ASIC2: variants seen among roughly 807,000 people sequenced by gnomAD.
ASIC2 encodes acid-sensing ion channel 2.
In ASIC2, 25 loss-of-function variants were observed where a neutral mutation model predicts 57.3. That is an observed-to-expected ratio of 0.44 (90% CI 0.32 to 0.61). ASIC2 has a LOEUF of 0.61. ASIC2 is among the 20% of genes least tolerant of loss of function. The pLI, the probability that ASIC2 is intolerant of heterozygous loss-of-function variation, is 0.06. For missense variants in ASIC2, 641 were observed against 738.1 expected, an observed-to-expected ratio of 0.87 and a Z score of 1.52; for synonymous variants, 319 against 307.5, an observed-to-expected ratio of 1.04 and a Z score of -0.39.
intron 1 of ASIC2, among the ~76,000 whole-genome samples, chr17:33,541,111 T>C (rs994428259): frequency 3.3e-5 from 5 of 152,134 alleles, no homozygotes; most frequent in African/African-American, 9.7e-5. Flanking sequence ...GTGTCTTTAA[T>C]GTAGAGGGAA....
intron 1 of ASIC2, among the ~76,000 whole-genome samples, chr17:34,090,326 T>C (rs1910280653): frequency 6.6e-6 from 1 of 152,140 alleles, no homozygotes; most frequent in African/African-American, 2.4e-5. Flanking sequence ...GCCTATTGTA[T>C]TTATAAATGA....
chr17:33,052,413 G>A (rs949722465), intron 3 of ASIC2: 4 of 152,164 alleles, frequency 2.6e-5, no homozygotes, highest in African/African-American at 9.7e-5. Flanking sequence ...CATTCTCCCC[G>A]TCCTTTCTCT....
At chr17:33,297,870 T>TAAA (rs1567814953), upstream of ASIC2, among the ~76,000 whole-genome samples, 22 of 138,236 alleles carry the variant, frequency 1.6e-4, no homozygotes, top group Admixed American at 6.5e-4. Context: ...AAATAAATAA[T>TAAA]AAAGTTTATT....
chr17:33,420,073 T>C (rs1910992772), intron 1 of ASIC2, among the ~76,000 whole-genome samples: 2 of 152,220 alleles, frequency 1.3e-5, no homozygotes, highest in Non-Finnish European at 2.9e-5. Context: ...TGCCGTTTCA[T>C]TATGTAAATG....
intron 1 of ASIC2, among the ~76,000 whole-genome samples, chr17:33,530,356 A>G (rs1220406414): frequency 1.3e-5 from 2 of 152,242 alleles, no homozygotes; most frequent in Non-Finnish European, 2.9e-5. Context: ...GACTTCCTTT[A>G]TTCCTAGCAT....
At chr17:33,317,424 A>G (rs1906700653) in intron 1 of ASIC2, among the ~76,000 whole-genome samples, 1 of 152,190 alleles carries the variant, frequency 6.6e-6, no homozygotes, top group Non-Finnish European at 1.5e-5. Flanking sequence ...CATTGTCAAC[A>G]TCCTAATAGA....
chr17:33,495,574 G>A (rs1424287426), intron 1 of ASIC2, among the ~76,000 whole-genome samples: 2 of 152,206 alleles, frequency 1.3e-5, no homozygotes, highest in African/African-American at 2.4e-5. Flanking sequence ...TTCCTATTGA[G>A]TTGGGGGACC....
chr17:34,148,399 A>G (rs547603622), intron 1 of ASIC2, among the ~76,000 whole-genome samples: 1 of 152,346 alleles, frequency 6.6e-6, no homozygotes, highest in African/African-American at 2.4e-5. Context: ...TCCCAAACGG[A>G]GGCTGACATT....
chr17:33,111,787 C>T, intron 2 of ASIC2, 130 bp downstream of exon 2: 3 of 1,313,090 alleles, frequency 2.3e-6, no homozygotes, highest in Non-Finnish European at 3.1e-6. Context: ...TATGATCTAG[C>T]AGCATGTCAC....
At chr17:33,053,670 T>C (rs1387627100) in intron 3 of ASIC2, among the ~76,000 whole-genome samples, 2 of 152,218 alleles carry the variant, frequency 1.3e-5, no homozygotes, top group African/African-American at 4.8e-5. Context: ...TCATCCTCTC[T>C]GGTAAAATCC....
At chr17:33,469,253 T>A (rs968277066) in intron 1 of ASIC2, among the ~76,000 whole-genome samples, 1 of 151,958 alleles carries the variant, frequency 6.6e-6, no homozygotes. Flanking sequence ...CAGACTGGGG[T>A]GGACAAAGCC....
chr17:33,535,274 CTTT>C (rs1312834562), intron 1 of ASIC2, among the ~76,000 whole-genome samples: 10 of 138,490 alleles, frequency 7.2e-5, no homozygotes, highest in Admixed American at 2.2e-4. Flanking sequence ...AATGTCGCTT[CTTT>C]TTTTTTTTTT....
chr17:33,585,282 TGTCCTTGACCCA>T (rs903454198), intron 1 of ASIC2, among the ~76,000 whole-genome samples: 3 of 151,972 alleles, frequency 2.0e-5, no homozygotes, highest in African/African-American at 7.3e-5. Flanking sequence ...AGCCTCACTG[TGTCCTTGACCCA>T]GTCCCAGGAC....
chr17:34,065,459 A>T (rs1567806471), intron 1 of ASIC2, among the ~76,000 whole-genome samples: 1 of 152,198 alleles, frequency 6.6e-6, no homozygotes, highest in Non-Finnish European at 1.5e-5. Context: ...ATCACTAAAG[A>T]ACTTACTCAT....
intron 1 of ASIC2, among the ~76,000 whole-genome samples, chr17:34,010,997 G>GACACAC (rs1398975566): frequency 6.8e-4 from 1 of 1,474 alleles, no homozygotes. Flanking sequence ...CCTCTAGTCA[G>GACACAC]ACACACACAC....
rs568073312 is a variant in ASIC2, at chr17:33,665,341, T to C, written c.555+490637A>G. The stretch of plus-strand genomic sequence containing the variant: ...ATGGGGGTGTCGAATTCCAATTCTG[T>C]AGACAATGGCACCGTGATGTAAAGC... On this transcript the variant is annotated intron_variant, in intron 1 of 9. Transcript: ENST00000359872. Among the ~76,000 whole-genome samples, 4 of 152,292 alleles carry C rather than the reference T, an allele frequency of 2.6e-5. No homozygotes were observed. In the South Asian group the frequency reaches 8.3e-4, roughly 32 times the overall value.
At chr17:33,851,936 C>T (rs996944889) in intron 1 of ASIC2, among the ~76,000 whole-genome samples, 10 of 152,142 alleles carry the variant, frequency 6.6e-5, no homozygotes, top group Non-Finnish European at 7.3e-5. Flanking sequence ...TTGCTGTTTC[C>T]GTGACCAGGG....
At chr17:33,423,282 C>A (rs1911106052) in intron 1 of ASIC2, among the ~76,000 whole-genome samples, 1 of 152,170 alleles carries the variant, frequency 6.6e-6, no homozygotes. Flanking sequence ...GAATTGAGAA[C>A]TACCGGTATG....
chr17:33,838,970 G>A lies in ASIC2; in HGVS notation c.555+317008C>T, dbSNP rs142071215. The stretch of plus-strand genomic sequence containing the variant: ...ATATTTCCAGTCTAATTTTGTAGGT[G>A]TAAGGAGGGGCCCAAGAATCTGCAT... On this transcript the variant is annotated intron_variant, in intron 1 of 9. Transcript: ENST00000359872. 2.0e-5 allele frequency among the ~76,000 whole-genome samples: 3 copies of A among 152,300 alleles called. No individual in the cohort carries two copies. The East Asian group carries it at 5.8e-4, about 29-fold the overall frequency.
Sources: allele counts gnomAD v4.1 joint callset (sites outside exome capture counted in the v4.1 genomes callset), GRCh38; gene constraint gnomAD v4.1.1; transcripts MANE v1.5; gene names NCBI Gene and HGNC (gene_info 2026-07-23, HGNC 2026-07-21).